TRAPPC14: variants seen among roughly 807,000 people sequenced by gnomAD.
TRAPPC14 encodes the protein microtubule associated protein 11.
Under a neutral mutation model 56.6 loss-of-function variants are expected in TRAPPC14, and 24 were observed. The observed-to-expected ratio is 0.42, with a 90% confidence interval of 0.31 to 0.60. The LOEUF is 0.60. Among genes scored for constraint, TRAPPC14 ranks in the 20% least tolerant of loss-of-function variants. The probability of loss-of-function intolerance (pLI) is 0.14; values close to 1 mark genes in which losing one functional copy is unlikely to be tolerated. For synonymous variants in TRAPPC14, 377 were observed against 347.0 expected (o/e 1.09, Z -0.96); for missense variants, 615 against 790.3 (o/e 0.78, Z 2.66).
chr7:100,157,295 C>T, intron 4 of TRAPPC14, 78 bp downstream of exon 4: 1 of 1,613,146 alleles, frequency 6.2e-7, no homozygotes. Flanking sequence ...GGACCTACCC[C>T]ACCAGCCTGC....
chr7:100,155,637 A>G (rs1377586957), intron 9 of TRAPPC14, 34 bp downstream of exon 9: 1 of 1,564,930 alleles, frequency 6.4e-7, no homozygotes, highest in African/African-American at 1.4e-5. Flanking sequence ...ATTCTGCATC[A>G]CTCAGCACTC....
chr7:100,157,500 C>A, intron 3 of TRAPPC14, 41 bp from the exon 4 acceptor site: 3 of 1,601,264 alleles, frequency 1.9e-6, no homozygotes, highest in Non-Finnish European at 2.6e-6. Flanking sequence ...GGTCTGGAGG[C>A]TGACCTCACC....
Position 100,155,173 on chromosome 7 carries a change from A to T in TRAPPC14, c.1590-9T>A, listed in dbSNP as rs566580722. ...CCATCACACTGCCCGACCTGGGGGA[A>T]GGCAGAGGCTGTGGGCGCTGGTCAG... On this transcript the variant is annotated splice_polypyrimidine_tract_variant and intron_variant, in intron 10 of 10. Transcript: ENST00000316937. The T allele has an allele frequency of 1.2e-6, 2 of 1,610,398 alleles. No individual in the cohort carries two copies. The highest frequency in any genetic ancestry group is 2.2e-5 in the South Asian group (2 of 90,714).
In TRAPPC14 at chr7:100,156,453, C is replaced by T. The variant is rs1339837745; in HGVS notation, c.1173G>A (p.Thr391=). ...RTYERFTVTY[T]LLNNLQDFLA... Reference sequence around the variant, plus strand: ...GGAAGTCTTGGAGATTGTTAAGCAGCGTGTAGGTGACAGTGAAACGCTCGT... The same window carrying T: ...GGAAGTCTTGGAGATTGTTAAGCAGTGTGTAGGTGACAGTGAAACGCTCGT... The change falls in exon 8 of 11, where the codon ACG becomes ACA. Residue 391 remains threonine (T), a synonymous_variant. Coordinates refer to ENST00000316937, the MANE Select transcript of TRAPPC14 (RefSeq NM_018275.5). 10 of 1,614,188 alleles carry T rather than the reference C, an allele frequency of 6.2e-6. No individual in the cohort carries two copies. Among genetic ancestry groups the T allele is most frequent in the Non-Finnish European group, 7.6e-6 (9 of 1,180,044 alleles).
In TRAPPC14 at chr7:100,154,850, C is replaced by T. The variant is rs560068545; in HGVS notation, c.*161G>A. The stretch of plus-strand genomic sequence containing the variant: ...GCCATGCCCGCCCACTTCACAGCTT[C>T]TTCCCCCATCCCTCATCAGCAGACA... On this transcript the variant is annotated 3_prime_UTR_variant, in exon 11 of 11. Transcript: ENST00000316937. 22 of 688,144 alleles carry T rather than the reference C, an allele frequency of 3.2e-5. No homozygotes were observed. In the East Asian group the frequency reaches 5.6e-4, roughly 18 times the overall value. 42.6% of individuals were successfully genotyped at this position (688,144 alleles called of 1,614,324 possible).
intron 8 of TRAPPC14, 102 bp from the exon 9 acceptor site, chr7:100,155,927 G>T: frequency 7.0e-7 from 1 of 1,437,558 alleles, no homozygotes; most frequent in Non-Finnish European, 9.8e-7. Flanking sequence ...ACTCTGTGGA[G>T]TAAACTGAGC....
Position 100,154,773 on chromosome 7 carries a change from T to G in TRAPPC14, c.*238A>C, listed in dbSNP as rs1584616649. 3.5e-6 allele frequency: 2 copies of G among 578,820 alleles called. No individual in the cohort carries two copies. The highest frequency in any genetic ancestry group is 6.2e-6 in the Non-Finnish European group (2 of 324,868). The allele number at this position is 578,820 out of a possible 1,614,324, so 35.9% of individuals were successfully genotyped here. A position where few individuals can be genotyped will look rare whatever the true frequency, so the allele number is the denominator to read the frequency against. On this transcript the variant is annotated 3_prime_UTR_variant, in exon 11 of 11. Coordinates refer to ENST00000316937, the MANE Select transcript of TRAPPC14 (RefSeq NM_018275.5). ...GGGAACCCTTGCCCTGGCCTAGGGG[T>G]GGGGCCAGCCCCCCCCACAGGAACT...
In TRAPPC14 at chr7:100,156,621, G is replaced by C; in HGVS notation, c.1076+13C>G. 1.9e-6 allele frequency: 3 copies of C among 1,611,648 alleles called. No homozygotes were observed. Among genetic ancestry groups the C allele is most frequent in the Non-Finnish European group, 2.5e-6 (3 of 1,178,470 alleles). On this transcript the variant is annotated intron_variant, in intron 7 of 10. Coordinates refer to ENST00000316937, the MANE Select transcript of TRAPPC14 (RefSeq NM_018275.5). ...AAGGCGAACGCCACGATTCCTCCAG[G>C]ATCCACACTCACCGGTAGTGGGTGT...
At chr7:100,157,022 C>T in intron 5 of TRAPPC14, 30 bp from the exon 6 acceptor site, 1 of 1,613,902 alleles carries the variant, frequency 6.2e-7, no homozygotes, top group Non-Finnish European at 8.5e-7. Context: ...AAGGCATGGT[C>T]TCCCCATGCC....
At position 100,158,251 on chromosome 7, in the gene TRAPPC14, G is replaced by C. The variant is rs13245710; in HGVS notation, c.249C>G (p.Ala83=). 6 of 1,486,934 alleles carry C rather than the reference G, an allele frequency of 4.0e-6. No homozygotes were observed. Among genetic ancestry groups the C allele is most frequent in the Non-Finnish European group, 5.3e-6 (6 of 1,125,236 alleles). 92.1% of individuals were successfully genotyped at this position (1,486,934 alleles called of 1,614,324 possible). The change falls in exon 1 of 11, where the codon GCC becomes GCG. Residue 83 remains alanine, a synonymous_variant. Coordinates refer to ENST00000316937, the MANE Select transcript of TRAPPC14 (RefSeq NM_018275.5). ...AELATALAAL[A]SVSAGGGMPG... is the part of the protein sequence containing the mutation. Reference sequence around the variant, plus strand: ...GCATCCCGCCTCCGGCGCTGACCGAGGCCAGGGCGGCCAGGGCGGTTGCCA... The same window carrying C: ...GCATCCCGCCTCCGGCGCTGACCGACGCCAGGGCGGCCAGGGCGGTTGCCA...
intron 9 of TRAPPC14, 46 bp from the exon 10 acceptor site, chr7:100,155,501 C>T (rs1798859446): frequency 1.3e-6 from 2 of 1,515,892 alleles, no homozygotes; most frequent in Non-Finnish European, 1.8e-6. Context: ...TTCCAGGACC[C>T]AGGCCTCCTT....
intron 3 of TRAPPC14, 53 bp downstream of exon 3, chr7:100,157,580 C>T: frequency 1.2e-6 from 2 of 1,609,578 alleles, no homozygotes; most frequent in South Asian, 2.2e-5. Flanking sequence ...CCCCTCCCCT[C>T]TGTCCCCCAA....
chr7:100,157,124 T>G lies in TRAPPC14; in HGVS notation c.815A>C (p.Asp272Ala). 1.2e-6 allele frequency: 2 copies of G among 1,614,104 alleles called. No homozygotes were observed. The highest frequency in any genetic ancestry group is 1.7e-6 in the Non-Finnish European group (2 of 1,180,024). ...ATTGTCCACCAGCAGCACAGAGCCA[T>G]CGGGCATGACAGGTAGATAACTGGC... is the stretch of plus-strand genomic sequence containing the variant. ...FNASYLPVMPDGSVLLVDNVC... is the reference protein window; with the variant it reads ...FNASYLPVMPAGSVLLVDNVC... Residue 272 changes from aspartate (D) to alanine (A), a missense_variant, in exon 5 of 11, where the codon GAT becomes GCT. Asp to Ala is a moderately radical substitution (Grantham distance 126, BLOSUM62 -2). Coordinates refer to ENST00000316937, the MANE Select transcript of TRAPPC14 (RefSeq NM_018275.5).
Position 100,155,839 on chromosome 7 carries a change from C to A in TRAPPC14, c.1241-14G>T. 1 of 1,614,190 alleles carries A rather than the reference C, an allele frequency of 6.2e-7. No homozygotes were observed. Among genetic ancestry groups the A allele is most frequent in the Middle Eastern group, 1.6e-4 (1 of 6,062 alleles). On this transcript the variant is annotated splice_polypyrimidine_tract_variant and intron_variant, in intron 8 of 10. Transcript: ENST00000316937. ...ACAGCTGCTTTCCTGGGGGCAGAAA[C>A]AGGGACCAGCAAACACTACAGCGTT...
Position 100,155,019 on chromosome 7 carries a change from C to T in TRAPPC14, c.1735G>A (p.Val579Ile), listed in dbSNP as rs140064166. The T allele has an allele frequency of 5.9e-5, 96 of 1,614,100 alleles. 1 individual carries two copies. Among genetic ancestry groups the T allele is most frequent in the African/African-American group, 4.7e-4 (35 of 75,036 alleles). The change falls in exon 11 of 11, where the codon GTC becomes ATC. Residue 579 changes from valine (V) to isoleucine (I), a missense_variant. Coordinates refer to ENST00000316937, the MANE Select transcript of TRAPPC14 (RefSeq NM_018275.5). ...ACAGAGCTGGCACGGTGCTACTTGA[C>T]GGGTTCCACCACCAGGACCTTGCAC... ...RECKVLVVEP[V>I]K
chr7:100,156,215 C>T, intron 8 of TRAPPC14, 171 bp downstream of exon 8: 1 of 650,630 alleles, frequency 1.5e-6, no homozygotes, highest in Non-Finnish European at 2.7e-6. Flanking sequence ...AACTCTCCAT[C>T]TAGGACACTG....
Position 100,158,662 on chromosome 7 carries a change from C to G in TRAPPC14, c.-163G>C. The stretch of plus-strand genomic sequence containing the variant: ...CCGGCACCGGGGCAACGAACCCGAA[C>G]CGAGACCCGGCAGCGCCGGAACCGG... On this transcript the variant is annotated 5_prime_UTR_variant, in exon 1 of 11. Transcript: ENST00000316937. 1 of 612,942 alleles carries G rather than the reference C, an allele frequency of 1.6e-6. No homozygotes were observed. Among genetic ancestry groups the G allele is most frequent in the Non-Finnish European group, 2.4e-6 (1 of 420,258 alleles). The allele number at this position is 612,942 out of a possible 1,614,324, so 38.0% of individuals were successfully genotyped here.
At chr7:100,155,523 TC>T (rs779083600) in intron 9 of TRAPPC14, 68 bp from the exon 10 acceptor site, 3 of 1,510,766 alleles carry the variant, frequency 2.0e-6, no homozygotes, top group Non-Finnish European at 2.7e-6. Flanking sequence ...CAAATGGTCT[TC>T]CCCATGTGAC....
intron 8 of TRAPPC14, 97 bp from the exon 9 acceptor site, chr7:100,155,922 G>C: frequency 6.7e-7 from 1 of 1,490,276 alleles, no homozygotes; most frequent in Non-Finnish European, 9.4e-7. Context: ...AAGCCACTCT[G>C]TGGAGTAAAC....
Sources: gnomAD v4.1 joint callset for allele counts on GRCh38, gnomAD v4.1.1 for gene constraint, MANE v1.5 for transcripts, NCBI Gene and HGNC (gene_info 2026-07-23, HGNC 2026-07-21) for gene names.